The following WIPF2 variants were observed in gnomAD, a reference collection of about 807,000 sequenced individuals.
WIPF2 encodes the protein WAS/WASL interacting protein family member 2, also known as WAS/WASL-interacting protein family member 2.
Under a neutral mutation model 38.8 loss-of-function variants are expected in WIPF2, and 23 were observed. The observed-to-expected ratio is 0.59, with a 90% confidence interval of 0.43 to 0.84. WIPF2 has a LOEUF of 0.84. Among genes scored for constraint, WIPF2 ranks in the 40% least tolerant of loss-of-function variants. The probability of loss-of-function intolerance (pLI) is 0.00; values close to 1 mark genes in which losing one functional copy is unlikely to be tolerated. For missense variants in WIPF2, 574 were observed against 580.5 expected, an observed-to-expected ratio of 0.99 and a Z score of 0.11; for synonymous variants, 210 against 223.2, an observed-to-expected ratio of 0.94 and a Z score of 0.53.
rs1598462587 is a variant in WIPF2 at position 40,224,389 on chromosome 17, C to G, written c.-70+4897C>G. Among the ~76,000 whole-genome samples the G allele has an allele frequency of 2.0e-5, 3 of 148,940 alleles. 1 individual carries two copies. The South Asian group carries it at 6.3e-4, about 31-fold the overall frequency. On this transcript the variant is annotated intron_variant, in intron 1 of 7. Transcript: ENST00000323571. ...TGGACTACAGGCGCCTGCCACCACG[C>G]CCGGCTGATTTTTTGTATTTTTTTT...
At chr17:40,247,484 G>A (rs977973219) in intron 1 of WIPF2, among the ~76,000 whole-genome samples, 7 of 149,384 alleles carry the variant, frequency 4.7e-5, no homozygotes, top group African/African-American at 1.5e-4. Flanking sequence ...CTCCCAAAGT[G>A]CTGGGATTAC....
At position 40,280,853 on chromosome 17, in the gene WIPF2, G is replaced by T. The variant is rs2032531919; in HGVS notation, c.*2628G>T. 1 of 152,516 alleles carries T rather than the reference G, an allele frequency of 6.6e-6. No homozygotes were observed. Among genetic ancestry groups the T allele is most frequent in the African/African-American group, 2.4e-5 (1 of 41,402 alleles). The allele number at this position is 152,516 out of a possible 1,614,324, so 9.4% of individuals were successfully genotyped here. ...CCTCATGCAAAAAGGCCTGGGTCTA[G>T]ATCTAGTCAGATGAGTTTTTTTTAG... is the stretch of plus-strand genomic sequence containing the variant. On this transcript the variant is annotated 3_prime_UTR_variant, in exon 8 of 8. Coordinates refer to ENST00000323571, the MANE Select transcript of WIPF2 (RefSeq NM_133264.5).
chr17:40,239,894 A>C (rs1389503101), intron 1 of WIPF2, among the ~76,000 whole-genome samples: 1 of 150,520 alleles, frequency 6.6e-6, no homozygotes, highest in Non-Finnish European at 1.5e-5. Flanking sequence ...GTGGGGTTTT[A>C]CCATCTTGGC....
At chr17:40,254,465 G>T (rs1172544075) in intron 1 of WIPF2, among the ~76,000 whole-genome samples, 1 of 152,032 alleles carries the variant, frequency 6.6e-6, no homozygotes, top group Non-Finnish European at 1.5e-5. Context: ...GGGGGAGGGG[G>T]TCAAAAAATG....
At chr17:40,239,971 A>G (rs946037560) in intron 1 of WIPF2, among the ~76,000 whole-genome samples, 1 of 151,912 alleles carries the variant, frequency 6.6e-6, no homozygotes, top group African/African-American at 2.4e-5. Flanking sequence ...TGCTGGGATT[A>G]CAGGCATGAG....
Position 40,247,654 on chromosome 17 carries a change from T to C in WIPF2, c.-69-8737T>C, listed in dbSNP as rs141216706. Among the ~76,000 whole-genome samples, 7 of 152,048 alleles carry C rather than the reference T, an allele frequency of 4.6e-5. No individual in the cohort carries two copies. The East Asian group carries it at 1.4e-3, about 29-fold the overall frequency. On this transcript the variant is annotated intron_variant, in intron 1 of 7. Transcript: ENST00000323571. ...CTCGTGCCTCAGCCTCCCGAGTAGC[T>C]GGAGTTACAGGCGTTTGCCACCATG...
intron 1 of WIPF2, among the ~76,000 whole-genome samples, chr17:40,252,028 G>A (rs1360615853): frequency 6.6e-6 from 1 of 152,108 alleles, no homozygotes; most frequent in African/African-American, 2.4e-5. Context: ...AGGCTCAAGT[G>A]ATCCTCCCTT....
At chr17:40,264,350 A>AAAG in intron 4 of WIPF2, 140 bp from the exon 5 acceptor site, 1 of 672,382 alleles carries the variant, frequency 1.5e-6, no homozygotes, top group Non-Finnish European at 2.4e-6. Flanking sequence ...AAAAAAAAAA[A>AAAG]AAAGAAAAAC....
chr17:40,264,505 A>G lies in WIPF2; in HGVS notation c.329A>G (p.Lys110Arg). 6.2e-7 allele frequency: 1 copy of G among 1,614,062 alleles called. No homozygotes were observed. The highest frequency in any genetic ancestry group is 1.1e-5 in the South Asian group (1 of 91,078). Residue 110 changes from lysine (K) to arginine (R), a missense_variant, in exon 5 of 8, where the codon AAG becomes AGG. Lys to Arg is a conservative substitution (Grantham distance 26). Coordinates refer to ENST00000323571, the MANE Select transcript of WIPF2 (RefSeq NM_133264.5). Reference protein sequence around the residue: ...AKDGSENLAGKPALQIPSSRA... With the variant: ...AKDGSENLAGRPALQIPSSRA... ...GTATTTGTAGAGAACCTAGCTGGTA[A>G]GCCAGCCCTGCAAATCCCCAGTTCT...
chr17:40,256,118 A>AAG (rs2031721905), intron 1 of WIPF2, among the ~76,000 whole-genome samples: 2 of 150,522 alleles, frequency 1.3e-5, no homozygotes, highest in African/African-American at 4.9e-5. Flanking sequence ...AAAAAAAAAA[A>AAG]AGGACACAAG....
At chr17:40,252,806 C>T (rs1345852620) in intron 1 of WIPF2, among the ~76,000 whole-genome samples, 2 of 151,590 alleles carry the variant, frequency 1.3e-5, no homozygotes, top group Non-Finnish European at 2.9e-5. Flanking sequence ...TCTTGTTGCC[C>T]AGGCTGGAGT....
rs778716409 is a variant in WIPF2 at position 40,256,434 on chromosome 17, C to T, written c.-26C>T. 1.2e-6 allele frequency: 2 copies of T among 1,600,686 alleles called. No homozygotes were observed. Among genetic ancestry groups the T allele is most frequent in the Admixed American group, 1.8e-5 (1 of 56,572 alleles). On this transcript the variant is annotated 5_prime_UTR_variant, in exon 2 of 8. An upstream open reading frame in the 5' UTR gains an earlier in-frame stop. Coordinates refer to ENST00000323571, the MANE Select transcript of WIPF2 (RefSeq NM_133264.5). ...GGTACAAATAAAGACGGAGAGAGAACAGTGCCAACTGGGAGCAGGGCAAGA... is the reference window on the plus strand; with the variant it reads ...GGTACAAATAAAGACGGAGAGAGAATAGTGCCAACTGGGAGCAGGGCAAGA...
chr17:40,229,193 C>T (rs1382442302), intron 1 of WIPF2, among the ~76,000 whole-genome samples: 1 of 151,724 alleles, frequency 6.6e-6, no homozygotes, highest in Non-Finnish European at 1.5e-5. Flanking sequence ...CTCACCGCAA[C>T]CTCTGCCTCC....
chr17:40,276,520 CAAAAAAAAAAAA>C (rs1160459322), intron 6 of WIPF2, among the ~76,000 whole-genome samples: 4 of 71,626 alleles, frequency 5.6e-5, no homozygotes, highest in Non-Finnish European at 9.7e-5. Context: ...GACTCCGTCT[CAAAAAAAAAAAA>C]AAAAAAAAAA....
At chr17:40,220,055 G>C (rs954231655) in intron 1 of WIPF2, 1 of 152,236 alleles carries the variant, frequency 6.6e-6, no homozygotes, top group Non-Finnish European at 1.5e-5. Context: ...TTTAGTTAAA[G>C]GTTGGATTGA....
chr17:40,264,460 G>C (rs769822431), intron 4 of WIPF2, 30 bp from the exon 5 acceptor site: 1 of 1,610,976 alleles, frequency 6.2e-7, no homozygotes, highest in East Asian at 2.2e-5. Flanking sequence ...GTCCAGCTCT[G>C]TTGACCCTGT....
In WIPF2 at chr17:40,249,514, A is replaced by G. The variant is rs141703915; in HGVS notation, c.-69-6877A>G. Among the ~76,000 whole-genome samples, 930 of 151,884 alleles carry G rather than the reference A, an allele frequency of 6.1e-3. 11 individuals are homozygous for G. The highest frequency in any genetic ancestry group is 0.021 in the African/African-American group (880 of 41,398). ...GCCCAGGCTAGAGTGCAATGGCGCA[A>G]TCTTGGCTCACTGCAACCTCTGTCT... On this transcript the variant is annotated intron_variant, in intron 1 of 7. Coordinates refer to ENST00000323571, the MANE Select transcript of WIPF2 (RefSeq NM_133264.5).
intron 1 of WIPF2, among the ~76,000 whole-genome samples, chr17:40,252,017 A>G (rs993660280): frequency 3.9e-5 from 6 of 152,242 alleles, no homozygotes; most frequent in African/African-American, 1.4e-4. Context: ...TCCAAAAACA[A>G]AGGCTCAAGT....
At chr17:40,270,222 C>T (rs978280251) in intron 5 of WIPF2, among the ~76,000 whole-genome samples, 8 of 151,668 alleles carry the variant, frequency 5.3e-5, no homozygotes, top group East Asian at 2.0e-4. Context: ...AAAAATGAGC[C>T]GGGCGTGGTG....
Sources: gnomAD v4.1 joint callset for allele counts (sites outside exome capture counted in the v4.1 genomes callset) on GRCh38, gnomAD v4.1.1 for gene constraint, MANE v1.5 for transcripts, NCBI Gene and HGNC (gene_info 2026-07-23, HGNC 2026-07-21) for gene names.